The following ATP2B2 variants were observed in gnomAD, a reference collection of about 807,000 sequenced individuals.
ATP2B2 encodes the protein ATPase plasma membrane Ca2+ transporting 2.
In ATP2B2, 15 loss-of-function variants were observed where a neutral mutation model predicts 120.0. The observed-to-expected ratio is 0.12, with a 90% CI of 0.08 to 0.19. The LOEUF is 0.19. Among genes scored for constraint, ATP2B2 ranks in the 10% least tolerant of loss-of-function variants. The pLI, the probability that ATP2B2 is intolerant of heterozygous loss-of-function variation, is 1.00. For synonymous variants in ATP2B2, 694 were observed against 700.3 expected, an observed-to-expected ratio of 0.99 and a Z score of 0.14; for missense variants, 1,045 against 1,719.8, an observed-to-expected ratio of 0.61 and a Z score of 6.94.
intron 1 of ATP2B2, among the ~76,000 whole-genome samples, chr3:10,655,107 A>G (rs1334334562): frequency 6.6e-6 from 1 of 152,198 alleles, no homozygotes; most frequent in South Asian, 2.1e-4. Flanking sequence ...GCAAAACATG[A>G]ATAACCAGCT....
chr3:10,644,640 C>T (rs576920876), intron 1 of ATP2B2, among the ~76,000 whole-genome samples: 3 of 152,306 alleles, frequency 2.0e-5, no homozygotes, highest in East Asian at 3.9e-4. Flanking sequence ...AAGGGCCAGA[C>T]ACAAAAGGCT....
chr3:10,620,761 C>T (rs2069523167), intron 1 of ATP2B2, among the ~76,000 whole-genome samples: 1 of 152,122 alleles, frequency 6.6e-6, no homozygotes, highest in African/African-American at 2.4e-5. Flanking sequence ...CTATATCTCA[C>T]CAGAGCTTCT....
intron 1 of ATP2B2, among the ~76,000 whole-genome samples, chr3:10,685,363 C>T (rs554403171): frequency 1.3e-5 from 2 of 152,290 alleles, no homozygotes; most frequent in East Asian, 1.9e-4. Context: ...GAGCAAGCAG[C>T]GTGAAGCTGT....
intron 22 of ATP2B2, among the ~76,000 whole-genome samples, chr3:10,334,352 C>G (rs2060060496): frequency 6.6e-6 from 1 of 152,170 alleles, no homozygotes; most frequent in Admixed American, 6.5e-5. Flanking sequence ...CCCCATGTAG[C>G]TCTCCCTGCC....
rs2060236718 is a variant in ATP2B2, at chr3:10,340,255, A to G, written c.3224T>C (p.Leu1075Pro). Residue 1075 changes from leucine (L) to proline (P), a missense_variant, in exon 21 of 23, where the codon CTC becomes CCC. Transcript: ENST00000360273. This position sits in a 1 kb window ranked among gnomAD's most constrained non-coding sequence, Gnocchi z 5.0. ...CCAGGAACTTACCTGGCCCCAAACG[A>G]GCTCTCCTAACCCAATGAATATGCA... ...MWCIFIGLGE[L>P]VWGQVIATIP... The G allele has an allele frequency of 6.2e-7, 1 of 1,614,004 alleles. No individual in the cohort carries two copies.
chr3:10,433,470 G>A (rs1423089961), intron 2 of ATP2B2, among the ~76,000 whole-genome samples: 1 of 152,120 alleles, frequency 6.6e-6, no homozygotes, highest in Non-Finnish European at 1.5e-5. Flanking sequence ...ATAGGATTGG[G>A]AATGTTAGGA....
chr3:10,660,830 T>C (rs535232548), intron 1 of ATP2B2, among the ~76,000 whole-genome samples: 205 of 152,286 alleles, frequency 1.3e-3, no homozygotes, highest in African/African-American at 4.7e-3. Flanking sequence ...CTGATGAACA[T>C]TGATGCAAAA....
intron 8 of ATP2B2, among the ~76,000 whole-genome samples, chr3:10,382,874 T>C (rs1441013907): frequency 6.6e-6 from 1 of 151,752 alleles, no homozygotes; most frequent in Non-Finnish European, 1.5e-5. Flanking sequence ...ATCCAAGTCA[T>C]TGTGATCTGG....
intron 2 of ATP2B2, among the ~76,000 whole-genome samples, chr3:10,564,324 T>C (rs1228109668): frequency 6.6e-6 from 1 of 152,212 alleles, no homozygotes; most frequent in East Asian, 1.9e-4. Context: ...TTCTTCTGTT[T>C]GAAATACCTG....
intron 2 of ATP2B2, among the ~76,000 whole-genome samples, chr3:10,553,879 C>T (rs1033603735): frequency 6.6e-6 from 1 of 152,036 alleles, no homozygotes; most frequent in African/African-American, 2.4e-5. Flanking sequence ...CATTGTTTAG[C>T]ACTCAATAGG....
intron 1 of ATP2B2, among the ~76,000 whole-genome samples, chr3:10,665,261 G>A (rs975131066): frequency 7.9e-5 from 12 of 152,146 alleles, no homozygotes; most frequent in Admixed American, 6.5e-4. Context: ...TGGAGCTCTG[G>A]CCACAGGCCC....
rs1439510482 is a variant in ATP2B2, at chr3:10,375,358, G to A, written c.1416+72C>T. On this transcript the variant is annotated intron_variant, in intron 11 of 22. Coordinates refer to ENST00000360273, the MANE Select transcript of ATP2B2 (RefSeq NM_001001331.4). The surrounding 1 kb of genome is among the most constrained non-coding windows in gnomAD (Gnocchi z 4.2). The stretch of plus-strand genomic sequence containing the variant: ...CGTTCATCTCCCAACCCCAGCACCA[G>A]CCCCAGTGATTCCCCCAGGCCCTCA... 19 of 1,357,598 alleles carry A rather than the reference G, an allele frequency of 1.4e-5. No individual in the cohort carries two copies. Among genetic ancestry groups the A allele is most frequent in the African/African-American group, 2.9e-5 (2 of 69,808 alleles). The allele number at this position is 1,357,598 out of a possible 1,614,324, so 84.1% of individuals were successfully genotyped here. A position where few individuals can be genotyped will look rare whatever the true frequency, so the allele number is the denominator to read the frequency against.
chr3:10,330,552 T>C (rs187891626), intron 22 of ATP2B2, among the ~76,000 whole-genome samples: 1 of 152,330 alleles, frequency 6.6e-6, no homozygotes, highest in East Asian at 1.9e-4. Context: ...AAGGCGGCGT[T>C]GGCGCCTCCA....
chr3:10,355,128 G>T (rs1319031951), intron 14 of ATP2B2, among the ~76,000 whole-genome samples: 1 of 152,180 alleles, frequency 6.6e-6, no homozygotes, highest in Admixed American at 6.5e-5. Flanking sequence ...CTTGGGTCCT[G>T]CATCCATCCC....
chr3:10,512,467 C>CACAGACACACAG (rs1559431349), intron 3 of ATP2B2, among the ~76,000 whole-genome samples: 3 of 21,026 alleles, frequency 1.4e-4, no homozygotes, highest in African/African-American at 3.0e-4. Context: ...TGTGTGCGCA[C>CACAGACACACAG]ACACACACAC....
intron 2 of ATP2B2, among the ~76,000 whole-genome samples, chr3:10,425,101 G>A (rs988725994): frequency 2.0e-5 from 3 of 151,252 alleles, no homozygotes; most frequent in East Asian, 1.9e-4. Flanking sequence ...GACCAGCCTA[G>A]CCAACATGAT....
chr3:10,596,703 G>A (rs745997728), intron 2 of ATP2B2, among the ~76,000 whole-genome samples: 1 of 152,240 alleles, frequency 6.6e-6, no homozygotes, highest in Non-Finnish European at 1.5e-5. Flanking sequence ...TTTCAAAAGA[G>A]AACCAGGGTT....
chr3:10,376,422 G>A (rs2061382233), intron 10 of ATP2B2, among the ~76,000 whole-genome samples: 1 of 152,218 alleles, frequency 6.6e-6, no homozygotes, highest in Non-Finnish European at 1.5e-5. Context: ...AGAGGAAACA[G>A]CAGGTGGCTT....
rs76809330 is a variant in ATP2B2, at chr3:10,587,013, T to C, written c.-415+32904A>G. On this transcript the variant is annotated intron_variant, in intron 2 of 21. Coordinates refer to the ATP2B2 transcript ENST00000646379. Reference sequence around the variant, plus strand: ...ACACTTAGCACCACCAGATAATCTATTGTGTTATAAATATCATAGCCTGTA... The same window carrying C: ...ACACTTAGCACCACCAGATAATCTACTGTGTTATAAATATCATAGCCTGTA... Among the ~76,000 whole-genome samples, 713 of 152,246 alleles carry C rather than the reference T, an allele frequency of 4.7e-3. 6 individuals carry two copies. Among genetic ancestry groups the C allele is most frequent in the African/African-American group, 0.015 (643 of 41,526 alleles).
Sources: gnomAD v4.1 joint callset for allele counts (sites outside exome capture counted in the v4.1 genomes callset) on GRCh38, gnomAD v4.1.1 for gene constraint, Gnocchi (gnomAD v3.1) non-coding constraint, MANE v1.5 for transcripts, NCBI Gene and HGNC (gene_info 2026-07-23, HGNC 2026-07-21) for gene names.